The following LRMDA variants were observed in gnomAD, a reference collection of about 807,000 sequenced individuals.
The protein encoded by LRMDA is leucine rich melanocyte differentiation associated.
LRMDA carries 18 observed loss-of-function variants against 29.8 expected under a neutral mutation model. The observed-to-expected ratio is 0.60, with a 90% CI of 0.42 to 0.90. The LOEUF (loss-of-function observed/expected upper bound fraction) is 0.90. Ranked by LOEUF, LRMDA falls within the 40% of genes least tolerant of loss-of-function variation. The probability of loss-of-function intolerance (pLI) is 0.00; values close to 1 mark genes in which losing one functional copy is unlikely to be tolerated. For missense variants in LRMDA, 273 were observed against 273.9 expected (o/e 1.00, Z 0.02); for synonymous variants, 125 against 109.4 (o/e 1.14, Z -0.89).
At chr10:76,150,724 T>C (rs916390492) in intron 5 of LRMDA, among the ~76,000 whole-genome samples, 1 of 152,190 alleles carries the variant, frequency 6.6e-6, no homozygotes, top group Non-Finnish European at 1.5e-5. Context: ...TCATTAATCA[T>C]CCCTTTGCCT....
chr10:76,363,254 A>AGAAAGAAG (rs1841348183), intron 6 of LRMDA, among the ~76,000 whole-genome samples: 1 of 46,402 alleles, frequency 2.2e-5, no homozygotes, highest in African/African-American at 9.4e-5. Flanking sequence ...AAAGAAAGAA[A>AGAAAGAAG]GAAGGAAGGA....
intron 6 of LRMDA, among the ~76,000 whole-genome samples, chr10:76,351,717 A>AG (rs1237721644): frequency 6.6e-6 from 1 of 152,010 alleles, no homozygotes; most frequent in Non-Finnish European, 1.5e-5. Flanking sequence ...TGAAAAAAAA[A>AG]AAAAGCCCCT....
intron 5 of LRMDA, among the ~76,000 whole-genome samples, chr10:76,244,080 T>C (rs1852329426): frequency 6.6e-6 from 1 of 152,208 alleles, no homozygotes; most frequent in Non-Finnish European, 1.5e-5. Flanking sequence ...ACCAAGTTTA[T>C]GGTAGTTTGG....
intron 6 of LRMDA, among the ~76,000 whole-genome samples, chr10:76,429,041 A>ACACACACACACACACAC (rs1554820441): frequency 1.6e-5 from 1 of 63,954 alleles, no homozygotes; most frequent in African/African-American, 5.0e-5. Context: ...CACACACACA[A>ACACACACACACACACAC]ACACACACAC....
At chr10:75,682,194 A>G (rs773368563) in intron 2 of LRMDA, among the ~76,000 whole-genome samples, 9 of 152,206 alleles carry the variant, frequency 5.9e-5, no homozygotes, top group Non-Finnish European at 1.0e-4. Flanking sequence ...GCAGAAAACC[A>G]CTACTCTAAC....
intron 6 of LRMDA, among the ~76,000 whole-genome samples, chr10:76,466,099 C>T (rs1010406543): frequency 3.3e-5 from 5 of 152,112 alleles, no homozygotes; most frequent in East Asian, 1.9e-4. Context: ...AAAGGCAAGG[C>T]AAGGGGGAAA....
intron 6 of LRMDA, among the ~76,000 whole-genome samples, chr10:76,475,187 A>G (rs1351274088): frequency 5.3e-5 from 8 of 151,786 alleles, no homozygotes; most frequent in Non-Finnish European, 1.0e-4. Context: ...GGCTAGGGAA[A>G]AGAGTCAGAC....
At chr10:76,257,623 G>A (rs901453557) in intron 5 of LRMDA, among the ~76,000 whole-genome samples, 2 of 151,926 alleles carry the variant, frequency 1.3e-5, no homozygotes, top group African/African-American at 4.8e-5. Flanking sequence ...TGTGAGCCAC[G>A]GCACCTGGCC....
chr10:76,203,854 T>G (rs1851479757), intron 5 of LRMDA, among the ~76,000 whole-genome samples: 1 of 131,728 alleles, frequency 7.6e-6, no homozygotes, highest in Non-Finnish European at 1.6e-5. Context: ...TCCACCCATT[T>G]CTCCATGTTC....
intron 5 of LRMDA, among the ~76,000 whole-genome samples, chr10:76,112,551 G>A (rs1460797199): frequency 1.3e-5 from 2 of 152,236 alleles, no homozygotes; most frequent in Non-Finnish European, 2.9e-5. Context: ...AAGCCCGTCA[G>A]GGGGAAGGTC....
intron 2 of LRMDA, among the ~76,000 whole-genome samples, chr10:75,710,109 CATT>C (rs1842418538): frequency 1.3e-5 from 2 of 152,186 alleles, no homozygotes; most frequent in Admixed American, 6.5e-5. Flanking sequence ...CTGTGAATAA[CATT>C]ATAGCCCAGC....
intron 6 of LRMDA, among the ~76,000 whole-genome samples, chr10:76,369,434 A>C (rs185976752): frequency 6.6e-6 from 1 of 152,326 alleles, no homozygotes; most frequent in East Asian, 1.9e-4. Context: ...GCCTGAAGAT[A>C]GGTCCCCAAT....
At chr10:76,509,894 T>C (rs1842993060) in intron 6 of LRMDA, among the ~76,000 whole-genome samples, 1 of 152,162 alleles carries the variant, frequency 6.6e-6, no homozygotes, top group Non-Finnish European at 1.5e-5. Flanking sequence ...GCTCAGACTT[T>C]AAGCTGAGAG....
At chr10:76,391,741 G>T (rs1172624776) in intron 6 of LRMDA, among the ~76,000 whole-genome samples, 1 of 152,144 alleles carries the variant, frequency 6.6e-6, no homozygotes, top group Non-Finnish European at 1.5e-5. Flanking sequence ...GCTTTGGATA[G>T]CCCAGCTCCT....
chr10:76,462,950 C>A (rs115836335), intron 6 of LRMDA, among the ~76,000 whole-genome samples: 121 of 152,264 alleles, frequency 7.9e-4, no homozygotes, highest in African/African-American at 2.3e-3. Flanking sequence ...TCTACCCAAC[C>A]GAGGCAGTGC....
At chr10:76,349,536 C>T (rs947804966) in intron 6 of LRMDA, among the ~76,000 whole-genome samples, 18 of 152,114 alleles carry the variant, frequency 1.2e-4, no homozygotes, top group South Asian at 1.0e-3. Context: ...TTGATATAAA[C>T]GCTGCACTTC....
chr10:75,930,110 C>T (rs1006705812), intron 2 of LRMDA, among the ~76,000 whole-genome samples: 2 of 152,122 alleles, frequency 1.3e-5, no homozygotes, highest in Non-Finnish European at 1.5e-5. Context: ...ATGAAACCTG[C>T]GAATAGATTT....
chr10:75,745,834 C>T (rs1842883937), intron 2 of LRMDA, among the ~76,000 whole-genome samples: 1 of 152,166 alleles, frequency 6.6e-6, no homozygotes, highest in Non-Finnish European at 1.5e-5. Flanking sequence ...TTCGTGATGA[C>T]CTTGACAGTC....
intron 6 of LRMDA, among the ~76,000 whole-genome samples, chr10:76,520,183 A>G (rs954922237): frequency 2.0e-5 from 3 of 152,002 alleles, no homozygotes; most frequent in African/African-American, 7.2e-5. Context: ...CTGATAGAAA[A>G]TATCAACTTT....
Sources: gnomAD v4.1 joint callset for allele counts (sites outside exome capture counted in the v4.1 genomes callset) on GRCh38, gnomAD v4.1.1 for gene constraint, MANE v1.5 for transcripts, NCBI Gene and HGNC (gene_info 2026-07-23, HGNC 2026-07-21) for gene names.